Variants in ARNT2 observed in about 807,000 individuals in gnomAD.
ARNT2 encodes ARNT protein 2.
In ARNT2, 36 loss-of-function variants were observed where a neutral mutation model predicts 91.7. That is an observed-to-expected ratio of 0.39 (90% CI 0.30 to 0.52). ARNT2 has a LOEUF of 0.52. Ranked by LOEUF, ARNT2 falls within the 20% of genes least tolerant of loss-of-function variation. ARNT2 has a pLI of 0.72. For missense variants in ARNT2, 775 were observed against 939.3 expected, an observed-to-expected ratio of 0.83 and a Z score of 2.29; for synonymous variants, 365 against 347.1, an observed-to-expected ratio of 1.05 and a Z score of -0.57.
chr15:80,432,818 A>G (rs111820961), intron 1 of ARNT2, among the ~76,000 whole-genome samples: 2 of 152,272 alleles, frequency 1.3e-5, no homozygotes, highest in East Asian at 1.9e-4. Flanking sequence ...TTTCTCCTCC[A>G]GAAGCTCATG....
chr15:80,597,289 T>C lies in ARNT2; in HGVS notation c.*3591T>C, dbSNP rs1016667377. ...CGCTCACCTTGCTCCGTCACGGTTC[T>C]GACCTACCACATAAACAGGAAGAAG... is the stretch of plus-strand genomic sequence containing the variant. On this transcript the variant is annotated 3_prime_UTR_variant, in exon 19 of 19. Coordinates refer to ENST00000303329, the MANE Select transcript of ARNT2 (RefSeq NM_014862.4). 1.9e-6 allele frequency: 1 copy of C among 518,778 alleles called. No homozygotes were observed. Among genetic ancestry groups the C allele is most frequent in the Non-Finnish European group, 3.8e-6 (1 of 259,840 alleles). 32.1% of individuals were successfully genotyped at this position (518,778 alleles called of 1,614,324 possible). A position where few individuals can be genotyped will look rare whatever the true frequency, so the allele number is the denominator to read the frequency against.
chr15:80,536,612 G>T (rs1265053877), intron 8 of ARNT2, among the ~76,000 whole-genome samples: 1 of 152,186 alleles, frequency 6.6e-6, no homozygotes, highest in Non-Finnish European at 1.5e-5. Flanking sequence ...AAAAGAAAAT[G>T]ATTTGGGAGC....
At chr15:80,561,746 TGCCCA>T (rs1898358279) in intron 11 of ARNT2, among the ~76,000 whole-genome samples, 1 of 152,232 alleles carries the variant, frequency 6.6e-6, no homozygotes, top group Admixed American at 6.5e-5. Flanking sequence ...GTTCACTACC[TGCCCA>T]GTAGTCTCTT....
intron 12 of ARNT2, among the ~76,000 whole-genome samples, chr15:80,565,670 CTG>C (rs1469529324): frequency 6.6e-6 from 1 of 151,254 alleles, no homozygotes; most frequent in Non-Finnish European, 1.5e-5. Flanking sequence ...TTGGCTGTTT[CTG>C]TGTCTTCTTT....
intron 11 of ARNT2, among the ~76,000 whole-genome samples, chr15:80,558,725 T>A (rs1898253019): frequency 6.6e-6 from 1 of 152,190 alleles, no homozygotes; most frequent in South Asian, 2.1e-4. Flanking sequence ...TCTAAATGGA[T>A]CAAAACCCAT....
intron 5 of ARNT2, among the ~76,000 whole-genome samples, chr15:80,481,766 A>G (rs1183030454): frequency 6.6e-6 from 1 of 152,132 alleles, no homozygotes; most frequent in Non-Finnish European, 1.5e-5. Context: ...GCTGTAATGA[A>G]TTCTTTTACT....
At chr15:80,551,820 A>T (rs186529455) in intron 9 of ARNT2, among the ~76,000 whole-genome samples, 71 of 152,238 alleles carry the variant, frequency 4.7e-4, no homozygotes, top group Admixed American at 3.0e-3. Context: ...CCCTGATCTT[A>T]GTCTAAATCA....
Position 80,513,961 on chromosome 15 carries a change from T to C in ARNT2, c.776T>C (p.Met259Thr), listed in dbSNP as rs1295311263. Residue 259 changes from methionine to threonine, a missense_variant, in exon 7 of 19, where the codon ATG becomes ACG. Transcript: ENST00000303329. ...DHLPLNRITT[M>T]RKRFRNGLGP... Reference sequence around the variant, plus strand: ...CTTCCTCTAAACAGAATAACCACCATGAGGAAAAGGTTCAGGTCAGTATCT... The same window carrying C: ...CTTCCTCTAAACAGAATAACCACCACGAGGAAAAGGTTCAGGTCAGTATCT... 6.2e-7 allele frequency: 1 copy of C among 1,613,314 alleles called. No individual in the cohort carries two copies. Among genetic ancestry groups the C allele is most frequent in the Non-Finnish European group, 8.5e-7 (1 of 1,179,312 alleles).
chr15:80,585,733 C>T (rs140378010), intron 17 of ARNT2, among the ~76,000 whole-genome samples: 10 of 152,228 alleles, frequency 6.6e-5, no homozygotes, highest in Middle Eastern at 3.4e-3. Context: ...AGGGAGTGCC[C>T]GCAGGTAAAA....
In ARNT2 at chr15:80,514,404, A is replaced by C; in HGVS notation, c.876A>C (p.Ala292=). The C allele has an allele frequency of 6.2e-7, 1 of 1,614,124 alleles. No individual in the cohort carries two copies. The highest frequency in any genetic ancestry group is 8.5e-7 in the Non-Finnish European group (1 of 1,179,958). Residue 292 remains alanine (A), a splice_region_variant and synonymous_variant, in exon 8 of 19, where the codon GCA becomes GCC. Transcript: ENST00000303329. ...GATACATCAAGGCCTGGCCACCAGC[A>C]GGTAAGGAGACCTGCATGTAAATTC... ...CTGYIKAWPP[A]GMTIPEEDAD... is the part of the protein sequence containing the mutation.
At chr15:80,423,394 A>T (rs1895887377) in intron 1 of ARNT2, among the ~76,000 whole-genome samples, 1 of 152,300 alleles carries the variant, frequency 6.6e-6, no homozygotes, top group Non-Finnish European at 1.5e-5. Flanking sequence ...CCCTAGGAAC[A>T]TGTTGCTTAC....
intron 10 of ARNT2, 40 bp downstream of exon 10, chr15:80,552,814 A>T (rs1238183204): frequency 1.3e-6 from 2 of 1,598,950 alleles, no homozygotes; most frequent in Non-Finnish European, 1.7e-6. Flanking sequence ...TTGACTAGAG[A>T]TTTAATTGTT....
chr15:80,456,008 C>T (rs1595970715), intron 2 of ARNT2, among the ~76,000 whole-genome samples: 1 of 152,140 alleles, frequency 6.6e-6, no homozygotes, highest in African/African-American at 2.4e-5. Flanking sequence ...CGTGGTTCTG[C>T]GGCTCTGCAG....
At chr15:80,536,586 A>G (rs1897827357) in intron 8 of ARNT2, among the ~76,000 whole-genome samples, 1 of 152,174 alleles carries the variant, frequency 6.6e-6, no homozygotes, top group Non-Finnish European at 1.5e-5. Context: ...CAATTTTACA[A>G]GCTGTTCTTT....
At chr15:80,592,757 T>C (rs991874392) in intron 18 of ARNT2, among the ~76,000 whole-genome samples, 6 of 152,238 alleles carry the variant, frequency 3.9e-5, no homozygotes, top group African/African-American at 1.4e-4. Flanking sequence ...TCCTTGCCCA[T>C]TCTGAGGCCC....
chr15:80,581,216 T>C (rs752663054), intron 16 of ARNT2, 23 bp from the exon 17 acceptor site: 16 of 1,612,386 alleles, frequency 9.9e-6, no homozygotes, highest in Non-Finnish European at 1.4e-5. Context: ...GCTTTCCATC[T>C]CTTTGCTTTG....
At chr15:80,475,853 T>C (rs1174073566) in intron 5 of ARNT2, among the ~76,000 whole-genome samples, 1 of 152,198 alleles carries the variant, frequency 6.6e-6, no homozygotes, top group Non-Finnish European at 1.5e-5. Flanking sequence ...AAACATTCAT[T>C]ACCCAGGCCT....
chr15:80,449,396 A>C (rs1351809523), intron 1 of ARNT2, among the ~76,000 whole-genome samples: 1 of 152,180 alleles, frequency 6.6e-6, no homozygotes, highest in Non-Finnish European at 1.5e-5. Context: ...AAAAATATAA[A>C]TATTTTATCA....
chr15:80,449,611 T>C (rs1416318981), intron 1 of ARNT2, among the ~76,000 whole-genome samples: 2 of 152,180 alleles, frequency 1.3e-5, no homozygotes, highest in African/African-American at 4.8e-5. Context: ...GATGACTAAA[T>C]TAAGCTTTTG....
Sources: allele counts gnomAD v4.1 joint callset (sites outside exome capture counted in the v4.1 genomes callset), GRCh38; gene constraint gnomAD v4.1.1; transcripts MANE v1.5; gene names NCBI Gene and HGNC (gene_info 2026-07-23, HGNC 2026-07-21).